The following MAP3K19 variants were observed in gnomAD, a reference collection of about 807,000 sequenced individuals.
The protein encoded by MAP3K19 is SPS1/STE20-related protein kinase YSK4.
In MAP3K19, 91 loss-of-function variants were observed where a neutral mutation model predicts 114.4. The ratio of observed to expected loss-of-function variants is 0.80; its 90% CI spans 0.67 to 0.95. The LOEUF is 0.95. MAP3K19 is among the 40% of genes least tolerant of loss of function. The pLI is 0.00. For missense variants in MAP3K19, 1,471 were observed against 1,573.2 expected (o/e 0.94, Z 1.10); for synonymous variants, 518 against 530.5 (o/e 0.98, Z 0.32).
intron 12 of MAP3K19, among the ~76,000 whole-genome samples, chr2:134,966,583 T>C (rs1342047355): frequency 6.6e-6 from 1 of 152,240 alleles, no homozygotes; most frequent in Non-Finnish European, 1.5e-5. Flanking sequence ...TTTCTTCTTC[T>C]TGCATTATTA....
intron 3 of MAP3K19, among the ~76,000 whole-genome samples, chr2:135,029,739 C>T (rs1688338034): frequency 6.6e-6 from 1 of 152,144 alleles, no homozygotes; most frequent in South Asian, 2.1e-4. Context: ...TTGCCAGTCA[C>T]CAATAATTAA....
intron 5 of MAP3K19, among the ~76,000 whole-genome samples, chr2:135,017,881 G>T (rs2105356302): frequency 6.6e-6 from 1 of 152,274 alleles, no homozygotes; most frequent in South Asian, 2.1e-4. Context: ...TTGATTAAAA[G>T]CTACACTGTT....
chr2:135,010,301 G>A (rs1290311789), intron 5 of MAP3K19, among the ~76,000 whole-genome samples: 2 of 152,214 alleles, frequency 1.3e-5, no homozygotes, highest in African/African-American at 2.4e-5. Flanking sequence ...GATCTACTTT[G>A]AAGGTGATGA....
intron 12 of MAP3K19, among the ~76,000 whole-genome samples, chr2:134,979,235 T>C (rs576447425): frequency 6.6e-6 from 1 of 152,358 alleles, no homozygotes; most frequent in Admixed American, 6.5e-5. Flanking sequence ...GGTATGTTAA[T>C]ATTCTTCCTA....
Position 134,986,625 on chromosome 2 carries a change from T to A in MAP3K19, c.2247A>T (p.Val749=), listed in dbSNP as rs781247274. The A allele has an allele frequency of 3.7e-6, 6 of 1,614,228 alleles. No homozygotes were observed. The highest frequency in any genetic ancestry group is 5.1e-6 in the Non-Finnish European group (6 of 1,180,034). The change falls in exon 10 of 13, where the codon GTA becomes GTT. Residue 749 remains valine, a synonymous_variant. Coordinates refer to ENST00000392915, the MANE Select transcript of MAP3K19 (RefSeq NM_025052.5). ...TTTCAATGTCATGTAGGTTGCTATG[T>A]ACAGCCTTGGAACTCTTTTCTTTAG... ...LISKEKSSKA[V]HSNLHDIENG...
chr2:134,967,439 T>C (rs1326377334), intron 12 of MAP3K19, among the ~76,000 whole-genome samples: 1 of 152,216 alleles, frequency 6.6e-6, no homozygotes, highest in East Asian at 1.9e-4. Context: ...GGGAACTGAA[T>C]GTATCGGTAT....
In MAP3K19 at chr2:134,981,358, C is replaced by T; in HGVS notation, c.3383G>A (p.Gly1128Glu). ...LKHVNIVAYL[G>E]TCLQENTVSI... ...CACAGTGTTCTCTTGCAAGCATGTC[C>T]CCAAATAGGCCACAATGTTGACATG... Residue 1128 changes from glycine (G) to glutamate (E), a missense_variant, in exon 12 of 13, where the codon GGG becomes GAG. Coordinates refer to ENST00000392915, the MANE Select transcript of MAP3K19 (RefSeq NM_025052.5). 1.2e-6 allele frequency: 2 copies of T among 1,614,120 alleles called. No homozygotes were observed. Among genetic ancestry groups the T allele is most frequent in the Non-Finnish European group, 1.7e-6 (2 of 1,180,026 alleles).
chr2:134,998,671 G>A (rs1314172639), intron 8 of MAP3K19, 67 bp downstream of exon 8: 22 of 1,470,168 alleles, frequency 1.5e-5, no homozygotes, highest in Non-Finnish European at 2.7e-6. Flanking sequence ...TTAGAACAGT[G>A]CCTGGCACAA....
chr2:134,989,847 C>T (rs528675813), intron 9 of MAP3K19, among the ~76,000 whole-genome samples: 2 of 152,016 alleles, frequency 1.3e-5, no homozygotes, highest in East Asian at 1.9e-4. Flanking sequence ...TTTGGGAGGC[C>T]GAGGCAATCG....
intron 2 of MAP3K19, among the ~76,000 whole-genome samples, chr2:135,039,334 G>C (rs1688599926): frequency 6.6e-6 from 1 of 151,890 alleles, no homozygotes; most frequent in South Asian, 2.1e-4. Context: ...TGGAATACCA[G>C]CACTTTGTGA....
chr2:135,024,679 C>T lies in MAP3K19; in HGVS notation c.-32G>A, dbSNP rs746953931. The T allele has an allele frequency of 1.9e-6, 3 of 1,607,164 alleles. No individual in the cohort carries two copies. The highest frequency in any genetic ancestry group is 2.2e-5 in the East Asian group (1 of 44,794). ...GTCCAAAAGCTGCTGTTTCTTTGAA[C>T]TCTCTATTTGTGACACATAATGTAT... is the stretch of plus-strand genomic sequence containing the variant. On this transcript the variant is annotated 5_prime_UTR_variant, in exon 4 of 13. Transcript: ENST00000392915.
At chr2:135,018,663 T>C (rs1687760660) in intron 5 of MAP3K19, among the ~76,000 whole-genome samples, 1 of 152,226 alleles carries the variant, frequency 6.6e-6, no homozygotes, top group Admixed American at 6.5e-5. Context: ...TTTTTCTTTT[T>C]CTTTCTTTCT....
intron 12 of MAP3K19, among the ~76,000 whole-genome samples, chr2:134,979,806 G>C (rs1042456002): frequency 6.6e-6 from 1 of 152,032 alleles, no homozygotes; most frequent in African/African-American, 2.4e-5. Flanking sequence ...CCTGAAATCA[G>C]CCAGGACAGG....
In MAP3K19 at chr2:134,993,633, A is replaced by G. The variant is rs146842088; in HGVS notation, c.575-2053T>C. ...ATTTATAGTTGGGTACATAATGGAT[A>G]GCATCCTGAATTTTTTAAAAAAACG... On this transcript the variant is annotated intron_variant, in intron 8 of 12. Transcript: ENST00000392915. Among the ~76,000 whole-genome samples, 169 of 152,352 alleles carry G rather than the reference A, an allele frequency of 1.1e-3. 3 individuals are homozygous for G. The Middle Eastern group carries it at 0.044, about 40-fold the overall frequency.
At chr2:134,974,574 G>C (rs752685349) in intron 12 of MAP3K19, among the ~76,000 whole-genome samples, 8 of 152,086 alleles carry the variant, frequency 5.3e-5, no homozygotes, top group Non-Finnish European at 8.8e-5. Flanking sequence ...CAACTATTCT[G>C]TCTTTAAATA....
At position 134,967,842 on chromosome 2, in the gene MAP3K19, G is replaced by C. The variant is rs201862885; in HGVS notation, c.3921-2926C>G. ...TGTTGTTTCTCCATACTTTGTCTCTGTGTCTTCTTTCTTTCTTTTTTTTTT... is the reference window on the plus strand; with the variant it reads ...TGTTGTTTCTCCATACTTTGTCTCTCTGTCTTCTTTCTTTCTTTTTTTTTT... On this transcript the variant is annotated intron_variant, in intron 12 of 12. Coordinates refer to ENST00000392915, the MANE Select transcript of MAP3K19 (RefSeq NM_025052.5). Among the ~76,000 whole-genome samples, 14 of 151,586 alleles carry C rather than the reference G, an allele frequency of 9.2e-5. No individual in the cohort carries two copies. In the East Asian group the frequency reaches 2.7e-3, roughly 29 times the overall value.
At chr2:134,998,277 A>C (rs1476435069) in intron 8 of MAP3K19, among the ~76,000 whole-genome samples, 2 of 152,186 alleles carry the variant, frequency 1.3e-5, no homozygotes, top group African/African-American at 4.8e-5. Flanking sequence ...CAAGATTCCC[A>C]CAGATAAACA....
intron 8 of MAP3K19, among the ~76,000 whole-genome samples, chr2:134,995,259 G>A (rs1685898462): frequency 1.3e-5 from 2 of 150,794 alleles, no homozygotes; most frequent in South Asian, 2.1e-4. Context: ...GAGGCTGCAG[G>A]GAGCTGAGAT....
intron 6 of MAP3K19, 141 bp from the exon 7 acceptor site, chr2:135,000,156 T>C (rs1466498696): frequency 1.6e-6 from 1 of 627,242 alleles, no homozygotes. Context: ...GGTTTAGCCA[T>C]CTTTGTATCT....
Sources: allele counts gnomAD v4.1 joint callset (sites outside exome capture counted in the v4.1 genomes callset), GRCh38; gene constraint gnomAD v4.1.1; transcripts MANE v1.5; gene names NCBI Gene and HGNC (gene_info 2026-07-23, HGNC 2026-07-21).